Variants in SLC9A7 observed in about 807,000 individuals in gnomAD.
SLC9A7 encodes solute carrier family 9 member A7, also known as sodium/hydrogen exchanger 7.
In SLC9A7, 19 loss-of-function variants were observed where a neutral mutation model predicts 52.6. That is an observed-to-expected ratio of 0.36 (90% CI 0.25 to 0.53). The LOEUF is 0.53. Among genes scored for constraint, SLC9A7 ranks in the 20% least tolerant of loss-of-function variants. SLC9A7 has a pLI of 0.91. For synonymous variants in SLC9A7, 226 were observed against 252.1 expected, an observed-to-expected ratio of 0.90 and a Z score of 0.98; for missense variants, 455 against 597.9, an observed-to-expected ratio of 0.76 and a Z score of 2.49.
At chrX:46,706,932 G>A (rs780986653) in intron 1 of SLC9A7, among the ~76,000 whole-genome samples, 4 of 111,003 alleles carry the variant, frequency 3.6e-5, no homozygotes, top group Non-Finnish European at 7.5e-5. Context: ...ATAGAGGTGG[G>A]GTTTCGCCAT....
chrX:46,736,604 T>C (rs1945126138), intron 1 of SLC9A7, among the ~76,000 whole-genome samples: 1 of 111,781 alleles, frequency 8.9e-6, no homozygotes, highest in Admixed American at 9.5e-5. Flanking sequence ...TTTGTATTAA[T>C]GTAATCAGGA....
At chrX:46,739,394 T>C (rs1220089468) in intron 1 of SLC9A7, among the ~76,000 whole-genome samples, 1 of 111,312 alleles carries the variant, frequency 9.0e-6, no homozygotes, top group East Asian at 2.8e-4. Context: ...CTTGGATCCA[T>C]TTTATGCCCT....
chrX:46,630,118 A>C, intron 14 of SLC9A7, among the ~76,000 whole-genome samples: 1 of 111,681 alleles, frequency 9.0e-6, no homozygotes, highest in African/African-American at 3.3e-5. Flanking sequence ...GCAGGGACCT[A>C]GAATGGACAT....
intron 5 of SLC9A7, among the ~76,000 whole-genome samples, chrX:46,669,116 C>T (rs990034595): frequency 4.8e-5 from 5 of 104,089 alleles, no homozygotes; most frequent in Non-Finnish European, 7.8e-5. Context: ...TGCAGTGAGC[C>T]GAGATCGTGT....
intron 14 of SLC9A7, 132 bp downstream of exon 14, chrX:46,631,454 T>C (rs1008535254): frequency 2.0e-6 from 1 of 488,264 alleles, no homozygotes; most frequent in Non-Finnish European, 3.5e-6. Context: ...TTTTAATCTG[T>C]AAAATGGGGA....
intron 1 of SLC9A7, among the ~76,000 whole-genome samples, chrX:46,758,075 C>T (rs782725030): frequency 2.7e-4 from 30 of 111,916 alleles, no homozygotes; most frequent in African/African-American, 9.7e-4. Context: ...GAGCAGGAGG[C>T]GTGCCTGTCT....
chrX:46,625,131 TC>T (rs1340981752), intron 14 of SLC9A7, among the ~76,000 whole-genome samples: 1 of 112,443 alleles, frequency 8.9e-6, no homozygotes, highest in Non-Finnish European at 1.9e-5. Flanking sequence ...AAATAATTTT[TC>T]TAGAATGAAT....
intron 3 of SLC9A7, among the ~76,000 whole-genome samples, chrX:46,675,030 GGAGA>G (rs763379573): frequency 1.0e-5 from 1 of 100,210 alleles, no homozygotes; most frequent in Admixed American, 1.1e-4. Context: ...TGTGAGTGAG[GGAGA>G]GAGAGAGAGA....
intron 5 of SLC9A7, among the ~76,000 whole-genome samples, chrX:46,664,506 A>G (rs548414679): frequency 1.8e-5 from 2 of 111,848 alleles, no homozygotes; most frequent in African/African-American, 6.5e-5. Flanking sequence ...ACAAATGTTC[A>G]GTTTAGTGAG....
chrX:46,749,818 C>A lies in SLC9A7; in HGVS notation c.325+8887G>T, dbSNP rs1922100932. On this transcript the variant is annotated intron_variant, in intron 1 of 16. Transcript: ENST00000616978. ...AACTTTGGGTCAGGCACAGTAGTCA[C>A]ACCTGTAATCCCAGCACTTTGGGAG... 4.5e-5 allele frequency among the ~76,000 whole-genome samples: 5 copies of A among 111,613 alleles called. No individual in the cohort carries two copies. In the South Asian group the frequency reaches 1.9e-3, roughly 42 times the overall value.
At chrX:46,665,854 AT>A (rs548813046) in intron 5 of SLC9A7, among the ~76,000 whole-genome samples, 1 of 107,078 alleles carries the variant, frequency 9.3e-6, no homozygotes, top group Non-Finnish European at 1.9e-5. Context: ...GTGCAAATGC[AT>A]TTTTTTTTCT....
chrX:46,694,709 C>T (rs190293550), intron 1 of SLC9A7, among the ~76,000 whole-genome samples: 14 of 111,832 alleles, frequency 1.3e-4, no homozygotes, highest in Admixed American at 3.8e-4. Flanking sequence ...ACAAACTTAC[C>T]ATACAACTCA....
intron 1 of SLC9A7, among the ~76,000 whole-genome samples, chrX:46,683,416 T>G (rs187677991): frequency 5.9e-4 from 66 of 111,312 alleles, no homozygotes; most frequent in African/African-American, 2.1e-3. Context: ...ATGGAGAAGG[T>G]AATTACACCC....
intron 8 of SLC9A7, 61 bp downstream of exon 8, chrX:46,653,548 A>T: frequency 1.3e-6 from 1 of 796,008 alleles, no homozygotes; most frequent in Non-Finnish European, 1.9e-6. Flanking sequence ...CCCTTCCTTC[A>T]AGTTCCCACA....
intron 5 of SLC9A7, among the ~76,000 whole-genome samples, chrX:46,669,011 C>CA (rs1473845000): frequency 1.8e-5 from 2 of 108,753 alleles, no homozygotes; most frequent in Non-Finnish European, 3.8e-5. Flanking sequence ...ACTAAAAATA[C>CA]AAAAAAATTA....
At chrX:46,664,941 A>T (rs1943891875) in intron 5 of SLC9A7, among the ~76,000 whole-genome samples, 1 of 110,310 alleles carries the variant, frequency 9.1e-6, no homozygotes, top group Non-Finnish European at 1.9e-5. Flanking sequence ...AATAATAACA[A>T]TAAACACGTA....
intron 1 of SLC9A7, among the ~76,000 whole-genome samples, chrX:46,703,369 A>C (rs1466349910): frequency 8.9e-6 from 1 of 112,159 alleles, no homozygotes; most frequent in African/African-American, 3.2e-5. Context: ...TAGGTTTTCT[A>C]CTAGGATTAA....
chrX:46,727,650 T>A (rs961496953), intron 1 of SLC9A7, among the ~76,000 whole-genome samples: 10 of 112,086 alleles, frequency 8.9e-5, no homozygotes, highest in Admixed American at 1.9e-4. Flanking sequence ...CAACAAATAG[T>A]CAGCAAATGC....
intron 15 of SLC9A7, among the ~76,000 whole-genome samples, chrX:46,618,562 G>A (rs1360022097): frequency 8.9e-6 from 1 of 111,860 alleles, no homozygotes; most frequent in African/African-American, 3.3e-5. Context: ...CTTTGGGGTA[G>A]GCAAAGATTT....
Sources: gnomAD v4.1 joint callset for allele counts (sites outside exome capture counted in the v4.1 genomes callset) on GRCh38, gnomAD v4.1.1 for gene constraint, MANE v1.5 for transcripts, NCBI Gene and HGNC (gene_info 2026-07-23, HGNC 2026-07-21) for gene names.